The following LZTFL1 variants were observed in gnomAD, a reference collection of about 807,000 sequenced individuals.
The protein encoded by LZTFL1 is leucine zipper transcription factor-like protein 1.
Under a neutral mutation model 45.9 loss-of-function variants are expected in LZTFL1, and 25 were observed. The ratio of observed to expected loss-of-function variants is 0.54; its 90% CI spans 0.40 to 0.76. The LOEUF (loss-of-function observed/expected upper bound fraction) is 0.76. Among genes scored for constraint, LZTFL1 ranks in the 30% least tolerant of loss-of-function variants. The pLI is 0.00. For missense variants in LZTFL1, 277 were observed against 331.1 expected (o/e 0.84, Z 1.27); for synonymous variants, 93 against 117.4 (o/e 0.79, Z 1.35).
chr3:45,850,096 A>T (rs113236779), intron 4 of LZTFL1, among the ~76,000 whole-genome samples: 5,155 of 152,276 alleles, frequency 0.034, 286 homozygotes, highest in African/African-American at 0.12. Flanking sequence ...ATATTTTGAA[A>T]ACTTTCCCCT....
chr3:45,909,743 C>T (rs1020709584), intron 2 of LZTFL1, among the ~76,000 whole-genome samples: 4 of 152,224 alleles, frequency 2.6e-5, no homozygotes, highest in African/African-American at 7.2e-5. Context: ...AAAGGCCTCA[C>T]GCCGTGGGTG....
chr3:45,835,434 C>A, intron 3 of LZTFL1, 156 bp downstream of exon 3: 1 of 633,100 alleles, frequency 1.6e-6, no homozygotes, highest in Admixed American at 2.9e-5. Flanking sequence ...TTAGTGGTAC[C>A]CAAGAGATCA....
intron 1 of LZTFL1, among the ~76,000 whole-genome samples, chr3:45,915,205 C>T (rs1357105250): frequency 6.6e-6 from 1 of 152,200 alleles, no homozygotes; most frequent in Non-Finnish European, 1.5e-5. Context: ...TTCTCACTGC[C>T]CCTTTCTTCC....
intron 2 of LZTFL1, among the ~76,000 whole-genome samples, chr3:45,862,513 A>G (rs924285273): frequency 2.6e-5 from 4 of 152,232 alleles, no homozygotes; most frequent in Non-Finnish European, 5.9e-5. Flanking sequence ...GATTTTCACA[A>G]CAACAACAAC....
At chr3:45,842,120 G>T (rs1701137605), upstream of LZTFL1, 2 of 1,532,146 alleles carry the variant, frequency 1.3e-6, no homozygotes, top group South Asian at 1.2e-5. Context: ...AGAAGCCTCT[G>T]GTTGCTAACG....
chr3:45,870,486 T>A (rs1342290302), intron 2 of LZTFL1, among the ~76,000 whole-genome samples: 2 of 152,248 alleles, frequency 1.3e-5, no homozygotes, highest in Non-Finnish European at 2.9e-5. Flanking sequence ...TGTGCGTGTG[T>A]GTTTGTGGTT....
chr3:45,857,978 A>C (rs922600552), intron 3 of LZTFL1, among the ~76,000 whole-genome samples: 3 of 152,252 alleles, frequency 2.0e-5, no homozygotes, highest in Non-Finnish European at 4.4e-5. Context: ...TTGGTTAATC[A>C]TAATGATAAT....
intron 4 of LZTFL1, among the ~76,000 whole-genome samples, chr3:45,847,543 A>G (rs185470297): frequency 4.6e-4 from 70 of 152,338 alleles, no homozygotes; most frequent in Non-Finnish European, 9.0e-4. Context: ...AGCCAGGGGC[A>G]TTGTCCAATA....
intron 2 of LZTFL1, among the ~76,000 whole-genome samples, chr3:45,891,584 A>G (rs190811789): frequency 3.7e-4 from 57 of 152,354 alleles, no homozygotes; most frequent in Non-Finnish European, 6.3e-4. Flanking sequence ...CTGTAAAACC[A>G]CAATGCAGTC....
In LZTFL1 at chr3:45,826,309, C is replaced by T. The variant is rs1575248076; in HGVS notation, c.*5G>A. 1.2e-6 allele frequency: 2 copies of T among 1,612,234 alleles called. No homozygotes were observed. Among genetic ancestry groups the T allele is most frequent in the South Asian group, 1.1e-5 (1 of 90,912 alleles). ...TGTGGTAGCTTCCAGAGGAAATCTT[C>T]AGTTTTAATCTTCAGGTTCATATCT... On this transcript the variant is annotated 3_prime_UTR_variant, in exon 10 of 10. Transcript: ENST00000296135.
At chr3:45,899,413 A>G (rs1452156029) in intron 2 of LZTFL1, among the ~76,000 whole-genome samples, 1 of 152,218 alleles carries the variant, frequency 6.6e-6, no homozygotes, top group East Asian at 1.9e-4. Flanking sequence ...TTGCTATTTA[A>G]ATATAAACAT....
rs200612109 is a variant in LZTFL1, at chr3:45,900,872, C to T, written c.-215+12248G>A. ...AATCCACATCTTCCATGGAAGACTA[C>T]GTTAACTTCAACTTCACTGACTTCT... On this transcript the variant is annotated intron_variant, in intron 2 of 4. Transcript: ENST00000472635. The surrounding 1 kb of genome is among the most constrained non-coding windows in gnomAD (Gnocchi z 4.7). 7.9e-5 allele frequency: 128 copies of T among 1,613,956 alleles called. No individual in the cohort carries two copies. Among genetic ancestry groups the T allele is most frequent in the Non-Finnish European group, 9.7e-5 (115 of 1,179,948 alleles).
At position 45,826,273 on chromosome 3, in the gene LZTFL1, GTA is replaced by G; in HGVS notation, c.*39_*40del. 6.3e-7 allele frequency: 1 copy of G among 1,592,160 alleles called. No individual in the cohort carries two copies. Among genetic ancestry groups the G allele is most frequent in the Non-Finnish European group, 8.6e-7 (1 of 1,160,690 alleles). ...ATACATGCCTGAGGTGAGACTGCTTGTATGTTTGCATGTGGTAGCTTCCAGAG... is the reference window on the plus strand; with the variant it reads ...ATACATGCCTGAGGTGAGACTGCTTGTGTTTGCATGTGGTAGCTTCCAGAG... On this transcript the variant is annotated 3_prime_UTR_variant, in exon 10 of 10. Transcript: ENST00000296135.
upstream of LZTFL1, among the ~76,000 whole-genome samples, chr3:45,843,880 A>G (rs1320166833): frequency 1.3e-5 from 2 of 152,204 alleles, no homozygotes; most frequent in Non-Finnish European, 1.5e-5. Context: ...AAAGCAAACA[A>G]TTCGAGCCGT....
At chr3:45,892,348 G>T (rs1702207104) in intron 2 of LZTFL1, among the ~76,000 whole-genome samples, 2 of 151,982 alleles carry the variant, frequency 1.3e-5, no homozygotes, top group African/African-American at 4.8e-5. Context: ...AGGAAAATGT[G>T]GTACATATAC....
At position 45,901,085 on chromosome 3, in the gene LZTFL1, C is replaced by T. The variant is rs1702539404; in HGVS notation, c.-215+12035G>A. The T allele has an allele frequency of 6.2e-7, 1 of 1,614,134 alleles. No homozygotes were observed. The highest frequency in any genetic ancestry group is 2.2e-5 in the East Asian group (1 of 44,882). On this transcript the variant is annotated intron_variant, in intron 2 of 4. Transcript: ENST00000472635. This position sits in a 1 kb window ranked among gnomAD's most constrained non-coding sequence, Gnocchi z 4.3. Reference sequence around the variant, plus strand: ...CAATTGCTGACCTCCTCTTTCTTGTCACTCTTCCCTTCTGGGCCATTGCTG... The same window carrying T: ...CAATTGCTGACCTCCTCTTTCTTGTTACTCTTCCCTTCTGGGCCATTGCTG...
intron 7 of LZTFL1, among the ~76,000 whole-genome samples, chr3:45,829,418 C>G (rs1041564296): frequency 2.0e-5 from 3 of 151,860 alleles, no homozygotes; most frequent in African/African-American, 7.3e-5. Flanking sequence ...GCCTGGGCAA[C>G]AGAGCAAGAC....
At position 45,835,629 on chromosome 3, in the gene LZTFL1, T is replaced by C. The variant is rs1356351239; in HGVS notation, c.284A>G (p.Tyr95Cys). ...AGAGATGTCTGTCTGTAGCTTAAGA[T>C]ACCACTTCTCAGCTTGTGCAAACAG... ...RQLFAQAEKW[Y>C]LKLQTDISEL... Residue 95 changes from tyrosine (Y) to cysteine (C), a missense_variant, in exon 3 of 10, where the codon TAT becomes TGT. Physicochemically the swap from Tyr to Cys is radical, Grantham distance 194 (BLOSUM62 -2). Transcript: ENST00000296135. The C allele has an allele frequency of 6.2e-7, 1 of 1,614,192 alleles. No homozygotes were observed.
intron 2 of LZTFL1, chr3:45,902,177 G>A (rs201908125): frequency 4.0e-5 from 13 of 323,136 alleles, no homozygotes; most frequent in South Asian, 3.1e-4. Context: ...TTTGCCACTC[G>A]CCGGAGCATC....
Sources: gnomAD v4.1 joint callset for allele counts (sites outside exome capture counted in the v4.1 genomes callset) on GRCh38, gnomAD v4.1.1 for gene constraint, Gnocchi (gnomAD v3.1) non-coding constraint, MANE v1.5 for transcripts, NCBI Gene and HGNC (gene_info 2026-07-23, HGNC 2026-07-21) for gene names.